TRPM3: variants seen among roughly 807,000 people sequenced by gnomAD.
TRPM3 encodes the protein long transient receptor potential channel 3.
A neutral mutation model predicts 181.2 loss-of-function variants in TRPM3; 77 were observed. The observed-to-expected ratio is 0.42, with a 90% CI of 0.35 to 0.51. TRPM3 has a LOEUF of 0.51. Ranked by LOEUF, TRPM3 falls within the 20% of genes least tolerant of loss-of-function variation. The pLI is 0.01. For missense variants in TRPM3, 1,759 were observed against 2,196.7 expected (o/e 0.80, Z 3.98); for synonymous variants, 745 against 796.4 (o/e 0.94, Z 1.09).
chr9:71,206,559 T>C (rs916545379), intron 1 of TRPM3, among the ~76,000 whole-genome samples: 1 of 152,230 alleles, frequency 6.6e-6, no homozygotes, highest in Non-Finnish European at 1.5e-5. Context: ...GATGATAGTT[T>C]CTTTTGCTGT....
At chr9:71,098,166 G>A (rs1004017436) in intron 1 of TRPM3, among the ~76,000 whole-genome samples, 19 of 151,952 alleles carry the variant, frequency 1.3e-4, no homozygotes, top group Non-Finnish European at 2.8e-4. Flanking sequence ...AGGACCATGG[G>A]TTACTCTGAT....
chr9:70,640,765 C>T (rs1428571681), intron 9 of TRPM3, 105 bp from the exon 10 acceptor site: 1 of 809,332 alleles, frequency 1.2e-6, no homozygotes, highest in Non-Finnish European at 2.0e-6. Context: ...GCCCCTATTC[C>T]CAAAGAGCCT....
chr9:70,557,053 T>C (rs1273166112), intron 22 of TRPM3, among the ~76,000 whole-genome samples: 1 of 152,234 alleles, frequency 6.6e-6, no homozygotes, highest in Non-Finnish European at 1.5e-5. Flanking sequence ...CAAACATGTA[T>C]TCAGTGGTTA....
At chr9:71,317,344 T>C (rs2132441348) in intron 1 of TRPM3, among the ~76,000 whole-genome samples, 1 of 152,270 alleles carries the variant, frequency 6.6e-6, no homozygotes, top group Non-Finnish European at 1.5e-5. Flanking sequence ...GTTCAAAATA[T>C]AGAACAAGGC....
intron 1 of TRPM3, among the ~76,000 whole-genome samples, chr9:71,376,498 A>G (rs1335360674): frequency 6.6e-6 from 1 of 152,076 alleles, no homozygotes; most frequent in African/African-American, 2.4e-5. Context: ...TAATGCCTTA[A>G]TATCTTTCTT....
At chr9:71,074,589 C>A (rs661604) in intron 1 of TRPM3, among the ~76,000 whole-genome samples, 34,372 of 152,060 alleles carry the variant, frequency 0.23, 4,604 homozygotes, top group East Asian at 0.32. Context: ...TTAACACCCT[C>A]CTGCTTCAGG....
chr9:71,363,091 C>A (rs2092216346), intron 1 of TRPM3, among the ~76,000 whole-genome samples: 1 of 152,192 alleles, frequency 6.6e-6, no homozygotes, highest in African/African-American at 2.4e-5. Context: ...ACTGTCTGTA[C>A]TAATGGTCCT....
intron 1 of TRPM3, among the ~76,000 whole-genome samples, chr9:71,030,571 C>CAAAAAAAAA: frequency 8.1e-6 from 1 of 124,168 alleles, no homozygotes. Context: ...GACCCCGTTC[C>CAAAAAAAAA]AAAAAAAAAA....
In TRPM3 at chr9:71,325,583, T is replaced by A. The variant is rs140926906; in HGVS notation, c.183+121070A>T. On this transcript the variant is annotated intron_variant, in intron 1 of 24. Transcript: ENST00000357533. ...ACACAACATGGTTTAAAGACAGCCTTGAGCATAACAGGTAAATAAATGTGT... is the reference window on the plus strand; with the variant it reads ...ACACAACATGGTTTAAAGACAGCCTAGAGCATAACAGGTAAATAAATGTGT... 9.2e-5 allele frequency among the ~76,000 whole-genome samples: 14 copies of A among 152,292 alleles called. No individual in the cohort carries two copies. In the East Asian group the frequency reaches 2.7e-3, roughly 29 times the overall value.
chr9:71,232,234 G>C (rs184367640), intron 1 of TRPM3, among the ~76,000 whole-genome samples: 15 of 152,160 alleles, frequency 9.9e-5, no homozygotes, highest in African/African-American at 3.6e-4. Flanking sequence ...AGCATTGTTT[G>C]TAACTACCTC....
At chr9:71,073,324 A>G (rs1022803375) in intron 1 of TRPM3, among the ~76,000 whole-genome samples, 8 of 152,234 alleles carry the variant, frequency 5.3e-5, no homozygotes, top group Non-Finnish European at 8.8e-5. Flanking sequence ...TTACTTTTGA[A>G]CTTCTTGGCT....
intron 1 of TRPM3, among the ~76,000 whole-genome samples, chr9:71,421,455 CT>C (rs1287431828): frequency 1.3e-5 from 2 of 151,926 alleles, no homozygotes; most frequent in African/African-American, 2.4e-5. Flanking sequence ...GTCCCTCCTC[CT>C]TTCTCTACCA....
At chr9:71,237,982 A>G (rs2081460182) in intron 1 of TRPM3, among the ~76,000 whole-genome samples, 1 of 152,180 alleles carries the variant, frequency 6.6e-6, no homozygotes, top group Non-Finnish European at 1.5e-5. Flanking sequence ...TTGCATTGGC[A>G]ACACCTGAAT....
chr9:71,297,916 G>A (rs1588362236), intron 1 of TRPM3, among the ~76,000 whole-genome samples: 1 of 152,120 alleles, frequency 6.6e-6, no homozygotes, highest in East Asian at 1.9e-4. Flanking sequence ...GACAATAAAA[G>A]GTGAACGGCT....
intron 10 of TRPM3, 146 bp downstream of exon 10, chr9:70,640,414 G>T: frequency 1.9e-6 from 1 of 539,652 alleles, no homozygotes; most frequent in Non-Finnish European, 3.3e-6. Context: ...GAGAAAGGGA[G>T]CTCAGGATAC....
At chr9:70,640,778 T>C (rs1447168534) in intron 9 of TRPM3, 118 bp from the exon 10 acceptor site, 6 of 717,624 alleles carry the variant, frequency 8.4e-6, no homozygotes, top group Middle Eastern at 3.9e-4. Flanking sequence ...AAGAGCCTGC[T>C]TGGCTATACA....
chr9:71,007,401 G>A (rs1436011439), intron 1 of TRPM3, among the ~76,000 whole-genome samples: 1 of 151,970 alleles, frequency 6.6e-6, no homozygotes, highest in East Asian at 1.9e-4. Flanking sequence ...AACAGCTGAA[G>A]AACATACATT....
rs1419461327 is a variant in TRPM3 at position 70,598,659 on chromosome 9, T to C, written c.2808A>G (p.Ser936=). The change falls in exon 21 of 26, where the codon TCA becomes TCG. Residue 936 remains serine, a synonymous_variant. Transcript: ENST00000677713. The part of the protein sequence containing the change: ...GIEKMREILM[S]EPGKLLQKVK... The stretch of plus-strand genomic sequence containing the variant: ...CTTTCTGTAGCAACTTCCCTGGCTC[T>C]GACATCAGAATCTATAAGGCAGGAA... The C allele has an allele frequency of 2.5e-6, 4 of 1,613,900 alleles. No individual in the cohort carries two copies. In the African/African-American group the frequency reaches 4.0e-5, roughly 16 times the overall value.
Position 71,375,418 on chromosome 9 carries a change from A to G in TRPM3, c.183+71235T>C, listed in dbSNP as rs183281669. On this transcript the variant is annotated intron_variant, in intron 1 of 24. Transcript: ENST00000357533. ...AAATGTAAAACTCAAAACTGTAAAAACCCTAGAAGAAAATCGAGGCAATAT... is the reference window on the plus strand; with the variant it reads ...AAATGTAAAACTCAAAACTGTAAAAGCCCTAGAAGAAAATCGAGGCAATAT... 1.6e-3 allele frequency among the ~76,000 whole-genome samples: 243 copies of G among 152,294 alleles called. 1 individual carries two copies. Among genetic ancestry groups the G allele is most frequent in the Non-Finnish European group, 4.3e-4 (29 of 68,026 alleles).
Sources: gnomAD v4.1 joint callset for allele counts (sites outside exome capture counted in the v4.1 genomes callset) on GRCh38, gnomAD v4.1.1 for gene constraint, MANE v1.5 for transcripts, NCBI Gene and HGNC (gene_info 2026-07-23, HGNC 2026-07-21) for gene names.